The following NAA25 variants were observed in gnomAD, a reference collection of about 807,000 sequenced individuals.
NAA25 encodes N-alpha-acetyltransferase 25, NatB auxiliary subunit.
A neutral mutation model predicts 132.5 loss-of-function variants in NAA25; 30 were observed. That is an observed-to-expected ratio of 0.23 (90% confidence interval 0.17 to 0.31). The LOEUF (loss-of-function observed/expected upper bound fraction) is 0.31, where lower values mean the gene tolerates loss of function less well. Ranked by LOEUF, NAA25 falls within the 10% of genes least tolerant of loss-of-function variation. NAA25 has a pLI of 1.00. For missense variants in NAA25, 771 were observed against 1,150.4 expected, an observed-to-expected ratio of 0.67 and a Z score of 4.77; for synonymous variants, 359 against 401.9, an observed-to-expected ratio of 0.89 and a Z score of 1.28.
At chr12:112,050,979 A>G (rs532364448) in intron 15 of NAA25, among the ~76,000 whole-genome samples, 2 of 152,292 alleles carry the variant, frequency 1.3e-5, no homozygotes, top group Admixed American at 6.5e-5. Flanking sequence ...CAGTCACCCA[A>G]GGAAAAAGCA....
At chr12:112,097,283 G>GA (rs1201949106) in intron 1 of NAA25, 4 of 152,138 alleles carry the variant, frequency 2.6e-5, no homozygotes, top group African/African-American at 9.7e-5. Context: ...CACTTTCGGG[G>GA]ATGCAAGTTG....
intron 21 of NAA25, 26 bp downstream of exon 21, chr12:112,040,455 C>A (rs2078285998): frequency 2.2e-6 from 3 of 1,378,396 alleles, no homozygotes; most frequent in Non-Finnish European, 3.1e-6. Context: ...ACAACAATGT[C>A]TTTTAGGAAG....
intron 8 of NAA25, among the ~76,000 whole-genome samples, 193 bp downstream of exon 8, chr12:112,075,485 A>G (rs553986989): frequency 6.6e-6 from 1 of 152,262 alleles, no homozygotes; most frequent in East Asian, 1.9e-4. Context: ...CACCATGCCC[A>G]GCCTACAAGT....
At position 112,028,213 on chromosome 12, in the gene NAA25, C is replaced by T. The variant is rs1405074801; in HGVS notation, c.*1318G>A. 6.6e-6 allele frequency: 1 copy of T among 152,256 alleles called. No homozygotes were observed. Among genetic ancestry groups the T allele is most frequent in the Non-Finnish European group, 1.5e-5 (1 of 68,032 alleles). 9.4% of individuals were successfully genotyped at this position (152,256 alleles called of 1,614,324 possible). On this transcript the variant is annotated 3_prime_UTR_variant, in exon 24 of 24. Transcript: ENST00000261745. ...TTCAAGACCAATCCTCCATTGGATG[C>T]TTAATTTCCTCATCAAATTCATTTC... is the stretch of plus-strand genomic sequence containing the variant.
intron 13 of NAA25, among the ~76,000 whole-genome samples, chr12:112,059,750 C>A (rs1368551601): frequency 3.3e-5 from 5 of 151,328 alleles, no homozygotes; most frequent in African/African-American, 1.2e-4. Flanking sequence ...CACTTAAAAA[C>A]AGAACAGATA....
At chr12:112,065,716 A>G (rs1321261655) in intron 11 of NAA25, 1 of 151,992 alleles carries the variant, frequency 6.6e-6, no homozygotes, top group African/African-American at 2.4e-5. Context: ...TTTAGCTAAA[A>G]CCCCAAAGCA....
intron 13 of NAA25, among the ~76,000 whole-genome samples, chr12:112,060,053 C>T (rs1453894493): frequency 1.3e-5 from 2 of 152,104 alleles, no homozygotes; most frequent in Non-Finnish European, 2.9e-5. Flanking sequence ...AGGTGATCCA[C>T]CCGCCTCAGC....
At position 112,047,229 on chromosome 12, in the gene NAA25, C is replaced by CTT. The variant is rs71808367; in HGVS notation, c.2006+434_2006+435dup. On this transcript the variant is annotated intron_variant, in intron 17 of 23. Transcript: ENST00000261745. Reference sequence around the variant, plus strand: ...TTTTAATTTTAGATTCATCCTAATTCTTTTTTTTTTTTTTTTTTGGAGATG... The same window carrying CTT: ...TTTTAATTTTAGATTCATCCTAATTCTTTTTTTTTTTTTTTTTTTTGGAGATG... 4.1e-3 allele frequency among the ~76,000 whole-genome samples: 490 copies of CTT among 119,174 alleles called. 7 individuals are homozygous for CTT. Among genetic ancestry groups the CTT allele is most frequent in the African/African-American group, 0.014 (433 of 30,540 alleles). The allele number at this position is 119,174 out of a possible 152,430, so 78.2% of individuals were successfully genotyped here. A position where few individuals can be genotyped will look rare whatever the true frequency, so the allele number is the denominator to read the frequency against.
In NAA25 at chr12:112,027,975, G is replaced by C. The variant is rs562008639; in HGVS notation, c.*1556C>G. 3 of 152,326 alleles carry C rather than the reference G, an allele frequency of 2.0e-5. No homozygotes were observed. Among genetic ancestry groups the C allele is most frequent in the African/African-American group, 7.2e-5 (3 of 41,570 alleles). 9.4% of individuals were successfully genotyped at this position (152,326 alleles called of 1,614,324 possible). On this transcript the variant is annotated 3_prime_UTR_variant, in exon 24 of 24. Coordinates refer to ENST00000261745, the MANE Select transcript of NAA25 (RefSeq NM_024953.4). ...GTTGATGGACTAGGATTTCCAACAA[G>C]CCTTATTTTGAACAGGTAATGTAGT...
intron 1 of NAA25, among the ~76,000 whole-genome samples, chr12:112,098,225 T>A (rs1314292597): frequency 6.6e-6 from 1 of 151,910 alleles, no homozygotes; most frequent in East Asian, 1.9e-4. Context: ...ACTTTCTCAT[T>A]TCCATCAGGT....
chr12:112,100,744 G>A (rs537629302), intron 1 of NAA25, among the ~76,000 whole-genome samples: 35 of 148,982 alleles, frequency 2.3e-4, no homozygotes, highest in Admixed American at 1.9e-3. Context: ...CTCAGCCTCC[G>A]GAGTAGCTGG....
Position 112,048,334 on chromosome 12 carries a change from C to T in NAA25, c.1838G>A (p.Arg613His), listed in dbSNP as rs776147529. ...LNNSLHFAQVRTERMLLDLLL... is the reference protein window; with the variant it reads ...LNNSLHFAQVHTERMLLDLLL... ...AAGGTCTAACAGCATCCGTTCAGTA[C>T]GGACTTGTGCAAAATGAAGAGAATT... Residue 613 changes from arginine to histidine, a missense_variant, in exon 16 of 24, where the codon CGT (arginine) becomes CAT (histidine). Arg to His is a conservative substitution (Grantham distance 29, BLOSUM62 0). Coordinates refer to ENST00000261745, the MANE Select transcript of NAA25 (RefSeq NM_024953.4). 1.7e-5 allele frequency: 27 copies of T among 1,613,910 alleles called. No homozygotes were observed. The highest frequency in any genetic ancestry group is 3.3e-5 in the South Asian group (3 of 91,084).
At chr12:112,034,811 C>CA (rs34408046) in intron 22 of NAA25, 4,936 of 66,700 alleles carry the variant, frequency 0.074, 119 homozygotes, top group African/African-American at 0.12. Context: ...GACTCTGTCT[C>CA]AAAAAAAAAA....
chr12:112,064,982 C>A (rs567709765), intron 11 of NAA25, among the ~76,000 whole-genome samples: 1 of 151,954 alleles, frequency 6.6e-6, no homozygotes, highest in South Asian at 2.1e-4. Context: ...TGCAGTGAGC[C>A]GAAATCGCGC....
chr12:112,029,900 T>C (rs1453733750), intron 23 of NAA25, among the ~76,000 whole-genome samples: 11 of 152,166 alleles, frequency 7.2e-5, no homozygotes, highest in Non-Finnish European at 8.8e-5. Context: ...CAAGTACCCT[T>C]TGTTGTAAGT....
chr12:112,059,441 G>A (rs2078593651), intron 13 of NAA25, among the ~76,000 whole-genome samples: 1 of 152,126 alleles, frequency 6.6e-6, no homozygotes, highest in Non-Finnish European at 1.5e-5. Context: ...GCTAATAAGA[G>A]AAAATGTCAG....
intron 10 of NAA25, chr12:112,069,195 C>T: frequency 2.0e-6 from 1 of 498,240 alleles, no homozygotes; most frequent in Non-Finnish European, 3.6e-6. Flanking sequence ...CACCACTGCA[C>T]CTGACTAGTC....
intron 2 of NAA25, among the ~76,000 whole-genome samples, chr12:112,092,767 T>A (rs2079155203): frequency 6.8e-6 from 1 of 148,074 alleles, no homozygotes; most frequent in African/African-American, 2.5e-5. Context: ...AACCTCCACC[T>A]CCTGGGTTCA....
In NAA25 at chr12:112,090,818, G is replaced by C. The variant is rs771759640; in HGVS notation, c.191C>G (p.Ala64Gly). The C allele has an allele frequency of 1.2e-6, 2 of 1,612,924 alleles. No individual in the cohort carries two copies. Among genetic ancestry groups the C allele is most frequent in the Non-Finnish European group, 1.7e-6 (2 of 1,179,110 alleles). ...GLQRTGKQEE[A>G]FTLAQEVAAL... ...TGCCACCTCCTGTGCAAGAGTAAAG[G>C]CTTCCTCTTGCTTTCCAGTTCTCTG... Residue 64 changes from alanine (A) to glycine (G), a missense_variant, in exon 3 of 24, where the codon GCC becomes GGC. By Grantham distance (60) the Ala-to-Gly change is moderately conservative. This residue lies in a region of NAA25 where 417 missense variants were observed against 733.8 expected (regional missense o/e 0.57). Coordinates refer to ENST00000261745, the MANE Select transcript of NAA25 (RefSeq NM_024953.4).
Sources: gnomAD v4.1 joint callset for allele counts (sites outside exome capture counted in the v4.1 genomes callset) on GRCh38, gnomAD v4.1.1 for gene constraint, gnomAD v4.1.1 regional missense constraint, MANE v1.5 for transcripts, NCBI Gene and HGNC (gene_info 2026-07-23, HGNC 2026-07-21) for gene names.